SORCS1: variants seen among roughly 807,000 people sequenced by gnomAD.
SORCS1 encodes sortilin related VPS10 domain containing receptor 1.
A neutral mutation model predicts 146.1 loss-of-function variants in SORCS1; 60 were observed. That is an observed-to-expected ratio of 0.41 (90% CI 0.33 to 0.51). The LOEUF (loss-of-function observed/expected upper bound fraction) is 0.51. Among genes scored for constraint, SORCS1 ranks in the 20% least tolerant of loss-of-function variants. The probability of loss-of-function intolerance (pLI) is 0.21; values close to 1 mark genes in which losing one functional copy is unlikely to be tolerated. For missense variants in SORCS1, 1,352 were observed against 1,487.6 expected (o/e 0.91, Z 1.50); for synonymous variants, 637 against 584.0 (o/e 1.09, Z -1.31).
intron 3 of SORCS1, among the ~76,000 whole-genome samples, chr10:106,784,578 C>A (rs1945969683): frequency 6.6e-6 from 1 of 152,132 alleles, no homozygotes; most frequent in Non-Finnish European, 1.5e-5. Context: ...ACACTTCCAT[C>A]AACATTACAA....
chr10:106,751,139 G>A (rs986992810), intron 5 of SORCS1, among the ~76,000 whole-genome samples: 2 of 146,568 alleles, frequency 1.4e-5, no homozygotes, highest in Admixed American at 6.9e-5. Flanking sequence ...TTCATGTGGA[G>A]ATCATTAACA....
chr10:106,646,643 G>C (rs531652463), intron 18 of SORCS1, among the ~76,000 whole-genome samples: 247 of 152,234 alleles, frequency 1.6e-3, no homozygotes, highest in African/African-American at 5.4e-3. Flanking sequence ...TTGCGGTTGA[G>C]CTGAGATCTT....
chr10:107,124,179 G>A (rs1255241194), intron 1 of SORCS1, among the ~76,000 whole-genome samples: 6 of 151,992 alleles, frequency 3.9e-5, no homozygotes, highest in Admixed American at 6.6e-5. Context: ...TTTGTACCAC[G>A]CTTCAGTGCT....
intron 3 of SORCS1, among the ~76,000 whole-genome samples, chr10:106,780,746 T>A (rs867552465): frequency 6.6e-6 from 1 of 152,138 alleles, no homozygotes; most frequent in South Asian, 2.1e-4. Context: ...GTTCCACCCA[T>A]GAGTGATTAG....
chr10:107,085,319 G>T (rs949794811), intron 1 of SORCS1, among the ~76,000 whole-genome samples: 1 of 152,150 alleles, frequency 6.6e-6, no homozygotes, highest in Non-Finnish European at 1.5e-5. Context: ...ATTGGCCAGA[G>T]TATCAACATA....
intron 1 of SORCS1, among the ~76,000 whole-genome samples, chr10:106,983,190 A>C (rs1040326978): frequency 4.1e-5 from 5 of 122,990 alleles, no homozygotes; most frequent in East Asian, 2.0e-4. Flanking sequence ...ATATTTCTCT[A>C]TATATACATA....
At chr10:106,843,376 CT>C (rs1337229239) in intron 2 of SORCS1, among the ~76,000 whole-genome samples, 1 of 150,018 alleles carries the variant, frequency 6.7e-6, no homozygotes, top group Non-Finnish European at 1.5e-5. Context: ...GCTTATCTCA[CT>C]TAGCATAATG....
chr10:107,144,343 C>T (rs1968113920), intron 1 of SORCS1, among the ~76,000 whole-genome samples: 1 of 152,208 alleles, frequency 6.6e-6, no homozygotes, highest in Non-Finnish European at 1.5e-5. Flanking sequence ...AAGTTAAGCA[C>T]ATGATAGGGT....
intron 2 of SORCS1, among the ~76,000 whole-genome samples, chr10:106,860,932 C>T (rs1259763246): frequency 4.6e-5 from 7 of 152,304 alleles, no homozygotes; most frequent in South Asian, 2.1e-4. Flanking sequence ...GACTTCCCCC[C>T]AGTTGTGAAT....
rs1849947869 is a variant in SORCS1 at position 106,652,511 on chromosome 10, C to G, written c.2346G>C (p.Arg782Ser). 9 of 1,613,954 alleles carry G rather than the reference C, an allele frequency of 5.6e-6. No individual in the cohort carries two copies. Among genetic ancestry groups the G allele is most frequent in the African/African-American group, 1.3e-5 (1 of 74,906 alleles). ...TCTGCGGTTTGGCAGTGTACTGTTC[C>G]CTTACGCCATCAGTGCAATTATTGG... ...VVSNNCTDGV[R>S]EQYTAKPQKC... is the part of the protein sequence containing the mutation. Residue 782 changes from arginine (R) to serine (S), a missense_variant, in exon 18 of 26, where the codon AGG becomes AGC. Physicochemically the swap from Arg to Ser is moderately radical, Grantham distance 110 (BLOSUM62 -1). Coordinates refer to ENST00000263054, the MANE Select transcript of SORCS1 (RefSeq NM_052918.5).
At chr10:106,943,842 A>T (rs1954176332) in intron 2 of SORCS1, among the ~76,000 whole-genome samples, 1 of 151,836 alleles carries the variant, frequency 6.6e-6, no homozygotes, top group Non-Finnish European at 1.5e-5. Context: ...TTGTCTCTTC[A>T]CCTCATCCCC....
chr10:107,071,275 T>C (rs562449624), intron 1 of SORCS1, among the ~76,000 whole-genome samples: 1 of 151,412 alleles, frequency 6.6e-6, no homozygotes, highest in South Asian at 2.1e-4. Flanking sequence ...CTCAAGCCTC[T>C]TCTTCTTTTT....
chr10:106,677,040 A>T (rs182602280), intron 13 of SORCS1, among the ~76,000 whole-genome samples: 1 of 151,370 alleles, frequency 6.6e-6, no homozygotes, highest in Admixed American at 6.6e-5. Flanking sequence ...CTCTATATAA[A>T]CCCCTACTTT....
chr10:106,726,954 C>T (rs11814442), intron 6 of SORCS1, among the ~76,000 whole-genome samples: 2,080 of 151,974 alleles, frequency 0.014, 49 homozygotes, highest in African/African-American at 0.048. Flanking sequence ...GGCGTGGTAG[C>T]GGGTGCCTGT....
At chr10:107,136,634 T>C (rs1012530612) in intron 1 of SORCS1, among the ~76,000 whole-genome samples, 1 of 152,198 alleles carries the variant, frequency 6.6e-6, no homozygotes, top group African/African-American at 2.4e-5. Flanking sequence ...GATGCTGTTT[T>C]AACTGCCTCA....
chr10:106,720,406 A>G (rs1855699654), intron 6 of SORCS1, among the ~76,000 whole-genome samples: 1 of 151,244 alleles, frequency 6.6e-6, no homozygotes, highest in Non-Finnish European at 1.5e-5. Flanking sequence ...AATAGTGTCT[A>G]CCTCCAAGGA....
intron 24 of SORCS1, among the ~76,000 whole-genome samples, chr10:106,586,281 T>TATA (rs1287512308): frequency 6.6e-6 from 1 of 152,242 alleles, no homozygotes; most frequent in African/African-American, 2.4e-5. Flanking sequence ...CTTACGCTGA[T>TATA]ATAGCATAGA....
At chr10:106,916,320 T>G (rs1164463998) in intron 2 of SORCS1, among the ~76,000 whole-genome samples, 2 of 152,110 alleles carry the variant, frequency 1.3e-5, no homozygotes, top group African/African-American at 4.8e-5. Context: ...AATGAATGAA[T>G]GAAGTGGAAA....
intron 3 of SORCS1, among the ~76,000 whole-genome samples, chr10:106,819,795 A>G (rs1047575077): frequency 6.6e-6 from 1 of 152,108 alleles, no homozygotes; most frequent in Non-Finnish European, 1.5e-5. Context: ...GGTAAATTGT[A>G]CTCCCTCTGA....
Sources: allele counts gnomAD v4.1 joint callset (sites outside exome capture counted in the v4.1 genomes callset), GRCh38; gene constraint gnomAD v4.1.1; transcripts MANE v1.5; gene names NCBI Gene and HGNC (gene_info 2026-07-23, HGNC 2026-07-21).